Variants in FMN2 observed in about 807,000 individuals in gnomAD.
FMN2 encodes the protein formin-2.
FMN2 carries 51 observed loss-of-function variants against 142.3 expected under a neutral mutation model. The ratio of observed to expected loss-of-function variants is 0.36; its 90% confidence interval spans 0.29 to 0.45. FMN2 has a LOEUF of 0.45. Ranked by LOEUF, FMN2 falls within the 20% of genes least tolerant of loss-of-function variation. The probability of loss-of-function intolerance (pLI) is 1.00; values close to 1 mark genes in which losing one functional copy is unlikely to be tolerated. For missense variants in FMN2, 1,936 were observed against 2,122.8 expected, an observed-to-expected ratio of 0.91 and a Z score of 1.73; for synonymous variants, 882 against 869.8, an observed-to-expected ratio of 1.01 and a Z score of -0.25.
chr1:240,423,346 C>G (rs994011295), intron 15 of FMN2, among the ~76,000 whole-genome samples: 1 of 152,120 alleles, frequency 6.6e-6, no homozygotes, highest in Non-Finnish European at 1.5e-5. Context: ...ATAGATCTTC[C>G]TCTTGAGATT....
intron 13 of FMN2, among the ~76,000 whole-genome samples, chr1:240,354,064 A>G (rs747847907): frequency 1.3e-5 from 2 of 152,154 alleles, no homozygotes; most frequent in Non-Finnish European, 2.9e-5. Context: ...AGGCTTTGCA[A>G]TTCTTCCTGT....
At chr1:240,378,379 G>T (rs926961848) in intron 14 of FMN2, among the ~76,000 whole-genome samples, 1 of 152,130 alleles carries the variant, frequency 6.6e-6, no homozygotes, top group Non-Finnish European at 1.5e-5. Context: ...TTGAACTCCT[G>T]ACCTCAGGTG....
At chr1:240,391,242 T>A (rs780480753) in intron 14 of FMN2, among the ~76,000 whole-genome samples, 24 of 152,300 alleles carry the variant, frequency 1.6e-4, no homozygotes, top group Non-Finnish European at 2.8e-4. Flanking sequence ...TGTGAAATCC[T>A]GAAAATCCTG....
chr1:240,329,007 A>G (rs1469316471), intron 8 of FMN2, 69 bp from the exon 9 acceptor site: 2 of 1,326,038 alleles, frequency 1.5e-6, no homozygotes, highest in African/African-American at 3.0e-5. Context: ...TTATCAAGAT[A>G]ATTAGATTAT....
chr1:240,193,970 C>G (rs1665812502), intron 4 of FMN2, among the ~76,000 whole-genome samples: 1 of 152,220 alleles, frequency 6.6e-6, no homozygotes, highest in Non-Finnish European at 1.5e-5. Context: ...AGCGTTATCA[C>G]TCACTATTTC....
chr1:240,201,210 C>A (rs1558355993), intron 4 of FMN2, among the ~76,000 whole-genome samples: 1 of 152,122 alleles, frequency 6.6e-6, no homozygotes, highest in Non-Finnish European at 1.5e-5. Context: ...ACCCCAAATC[C>A]CTCTCCTTTT....
At chr1:240,100,186 TAGA>T (rs1661367231) in intron 1 of FMN2, among the ~76,000 whole-genome samples, 1 of 152,238 alleles carries the variant, frequency 6.6e-6, no homozygotes, top group Admixed American at 6.5e-5. Context: ...CTTATGTTGA[TAGA>T]AGAATAGCTA....
chr1:240,285,536 G>A (rs1316585157), intron 7 of FMN2, among the ~76,000 whole-genome samples: 1 of 146,084 alleles, frequency 6.8e-6, no homozygotes, highest in Non-Finnish European at 1.5e-5. Context: ...AAGAAAGGGT[G>A]GCAGTAGTGA....
chr1:240,151,693 A>C (rs1663783834), intron 2 of FMN2, among the ~76,000 whole-genome samples: 1 of 152,132 alleles, frequency 6.6e-6, no homozygotes, highest in Admixed American at 6.6e-5. Flanking sequence ...AGACTGAATC[A>C]CTGAAAAGTG....
chr1:240,296,697 A>G (rs1005510116), intron 8 of FMN2, among the ~76,000 whole-genome samples: 5 of 150,978 alleles, frequency 3.3e-5, no homozygotes, highest in African/African-American at 1.2e-4. Flanking sequence ...CATATGTTAT[A>G]TGGTGGTCTC....
At chr1:240,226,976 A>G (rs1187904153) in intron 6 of FMN2, among the ~76,000 whole-genome samples, 3 of 152,172 alleles carry the variant, frequency 2.0e-5, no homozygotes, top group Non-Finnish European at 2.9e-5. Flanking sequence ...CTGTTTAGCA[A>G]TGTGCTAGAA....
intron 3 of FMN2, among the ~76,000 whole-genome samples, chr1:240,185,147 T>TCTCTTTCTCCCTCCTATACCTG (rs1572034136): frequency 1.2e-5 from 1 of 80,424 alleles, no homozygotes; most frequent in East Asian, 4.0e-4. Context: ...TCCTATACCT[T>TCTCTTTCTCCCTCCTATACCTG]CCCCTTCTCT....
intron 2 of FMN2, among the ~76,000 whole-genome samples, chr1:240,153,949 CT>C (rs1418460137): frequency 6.6e-6 from 1 of 151,678 alleles, no homozygotes; most frequent in African/African-American, 2.4e-5. Flanking sequence ...AACCCTGCCT[CT>C]ACTGAAAATA....
intron 13 of FMN2, among the ~76,000 whole-genome samples, chr1:240,352,475 G>A (rs1022183994): frequency 3.3e-5 from 5 of 152,084 alleles, no homozygotes; most frequent in African/African-American, 7.2e-5. Context: ...CCAGCTACTC[G>A]GGAGGCCAAG....
At chr1:240,219,787 TG>T (rs2103420133) in intron 6 of FMN2, among the ~76,000 whole-genome samples, 1 of 152,140 alleles carries the variant, frequency 6.6e-6, no homozygotes, top group South Asian at 2.1e-4. Context: ...CCCACGTAGC[TG>T]GGACTCTAGG....
At chr1:240,161,092 G>C (rs1397874898) in intron 2 of FMN2, among the ~76,000 whole-genome samples, 1 of 152,016 alleles carries the variant, frequency 6.6e-6, no homozygotes, top group East Asian at 1.9e-4. Context: ...TATATGAACA[G>C]ATTTATCATG....
At chr1:240,335,185 C>T (rs1671516935) in intron 13 of FMN2, among the ~76,000 whole-genome samples, 1 of 152,068 alleles carries the variant, frequency 6.6e-6, no homozygotes, top group African/African-American at 2.4e-5. Context: ...TATTACGGAC[C>T]TGGTTCATGG....
chr1:240,296,813 A>T (rs1670005201), intron 8 of FMN2, among the ~76,000 whole-genome samples: 1 of 152,182 alleles, frequency 6.6e-6, no homozygotes, highest in South Asian at 2.1e-4. Context: ...TGGTGAGCAT[A>T]AGCATTCAGT....
Position 240,123,218 on chromosome 1 carries a change from A to G in FMN2, c.1655A>G (p.Asn552Ser), listed in dbSNP as rs770372175. The G allele has an allele frequency of 6.2e-7, 1 of 1,614,156 alleles. No homozygotes were observed. Among genetic ancestry groups the G allele is most frequent in the Non-Finnish European group, 8.5e-7 (1 of 1,180,040 alleles). Residue 552 changes from asparagine to serine, a missense_variant, in exon 2 of 18, where the codon AAC becomes AGC. Asn to Ser is a conservative substitution (Grantham distance 46, BLOSUM62 1). Coordinates refer to ENST00000319653, the MANE Select transcript of FMN2 (RefSeq NM_020066.5). ...LLEKLFSQQE[N>S]GPPEEAEKFC... is the part of the protein sequence containing the mutation. ...GAGAAGCTGTTCAGCCAGCAGGAGA[A>G]CGGGCCTCCAGAAGAAGCAGAGAAG... is the stretch of plus-strand genomic sequence containing the variant.
Sources: gnomAD v4.1 joint callset for allele counts (sites outside exome capture counted in the v4.1 genomes callset) on GRCh38, gnomAD v4.1.1 for gene constraint, MANE v1.5 for transcripts, NCBI Gene and HGNC (gene_info 2026-07-23, HGNC 2026-07-21) for gene names.